The following CPQ variants were observed in gnomAD, a reference collection of about 807,000 sequenced individuals.
The protein encoded by CPQ is Ser-Met dipeptidase.
CPQ carries 37 observed loss-of-function variants against 45.7 expected under a neutral mutation model. That is an observed-to-expected ratio of 0.81 (90% confidence interval 0.62 to 1.07). The LOEUF (loss-of-function observed/expected upper bound fraction) is 1.07, where lower values mean the gene tolerates loss of function less well. Among genes scored for constraint, CPQ ranks in the 50% least tolerant of loss-of-function variants. The probability of loss-of-function intolerance (pLI) is 0.00; values close to 1 mark genes in which losing one functional copy is unlikely to be tolerated. For missense variants in CPQ, 537 were observed against 572.9 expected (o/e 0.94, Z 0.64); for synonymous variants, 186 against 205.8 (o/e 0.90, Z 0.82).
chr8:97,143,001 C>T lies in CPQ; in HGVS notation c.1256-19C>T. 1 of 1,612,112 alleles carries T rather than the reference C, an allele frequency of 6.2e-7. No homozygotes were observed. The highest frequency in any genetic ancestry group is 8.5e-7 in the Non-Finnish European group (1 of 1,178,818). On this transcript the variant is annotated intron_variant, in intron 7 of 7. Coordinates refer to ENST00000220763, the MANE Select transcript of CPQ (RefSeq NM_016134.4). ...CTGTCAAAATACTCCACTAAGAATT[C>T]TTCCTCTTTTATCCCCAGGAGCCAG...
intron 4 of CPQ, among the ~76,000 whole-genome samples, chr8:96,919,609 A>T (rs933936632): frequency 6.6e-6 from 1 of 152,212 alleles, no homozygotes; most frequent in African/African-American, 2.4e-5. Context: ...AACTGGTTTT[A>T]TGTCCCACAA....
Position 96,879,782 on chromosome 8 carries a change from G to C in CPQ, c.642-16G>C. ...ATTTCCACTTTCAAGGTAACCTGGT[G>C]GCTTCTTCTCTCAAGTCCTCACACA... On this transcript the variant is annotated splice_polypyrimidine_tract_variant and intron_variant, in intron 3 of 7. Coordinates refer to ENST00000220763, the MANE Select transcript of CPQ (RefSeq NM_016134.4). 1 of 1,607,868 alleles carries C rather than the reference G, an allele frequency of 6.2e-7. No homozygotes were observed.
At chr8:96,977,386 T>TG (rs1586476873) in intron 5 of CPQ, among the ~76,000 whole-genome samples, 2 of 151,054 alleles carry the variant, frequency 1.3e-5, no homozygotes, top group East Asian at 3.9e-4. Flanking sequence ...TTTACACTGA[T>TG]GGTGGGAATG....
chr8:96,940,500 G>A (rs1437220488), intron 4 of CPQ, among the ~76,000 whole-genome samples: 2 of 151,940 alleles, frequency 1.3e-5, no homozygotes, highest in East Asian at 3.9e-4. Flanking sequence ...CTTCTTTTAT[G>A]TATTCATTCA....
intron 1 of CPQ, among the ~76,000 whole-genome samples, chr8:96,669,234 G>A (rs527676456): frequency 1.3e-5 from 2 of 152,172 alleles, no homozygotes; most frequent in East Asian, 3.9e-4. Flanking sequence ...CCTCTCCCTT[G>A]CCCTGCTGGC....
chr8:97,125,827 A>C (rs1811837476), intron 7 of CPQ, among the ~76,000 whole-genome samples: 1 of 152,226 alleles, frequency 6.6e-6, no homozygotes, highest in Admixed American at 6.5e-5. Context: ...TCCCGTTCTC[A>C]CCACTTCTAT....
intron 2 of CPQ, among the ~76,000 whole-genome samples, chr8:96,828,715 A>G (rs552751372): frequency 6.6e-6 from 1 of 152,222 alleles, no homozygotes; most frequent in South Asian, 2.1e-4. Context: ...CACCTTTACA[A>G]GGAAACACCC....
At chr8:96,770,702 A>T (rs1050388404) in intron 1 of CPQ, among the ~76,000 whole-genome samples, 1 of 147,506 alleles carries the variant, frequency 6.8e-6, no homozygotes, top group Non-Finnish European at 1.5e-5. Context: ...GTGTTATTTT[A>T]TATATATATA....
At chr8:96,783,789 CTTTAG>C (rs1344988142) in intron 1 of CPQ, among the ~76,000 whole-genome samples, 1 of 152,126 alleles carries the variant, frequency 6.6e-6, no homozygotes, top group African/African-American at 2.4e-5. Flanking sequence ...GAAAATAAAT[CTTTAG>C]TTTAATTTAA....
intron 5 of CPQ, among the ~76,000 whole-genome samples, chr8:96,992,571 G>A (rs1370596001): frequency 6.6e-6 from 1 of 152,106 alleles, no homozygotes; most frequent in African/African-American, 2.4e-5. Flanking sequence ...ACACAGATAA[G>A]GTGTCTCTCC....
intron 1 of CPQ, among the ~76,000 whole-genome samples, chr8:96,737,368 A>ATATATATATATATATT (rs1376022683): frequency 1.4e-5 from 2 of 146,386 alleles, no homozygotes; most frequent in African/African-American, 2.5e-5. Flanking sequence ...ATATATATAT[A>ATATATATATATATATT]TGAGTTTATT....
At chr8:97,005,024 T>G (rs1459607754) in intron 5 of CPQ, among the ~76,000 whole-genome samples, 3 of 152,100 alleles carry the variant, frequency 2.0e-5, no homozygotes, top group African/African-American at 7.2e-5. Flanking sequence ...AGAAAAGGCC[T>G]CTATAAATGT....
chr8:96,978,637 T>C (rs1659570399), intron 5 of CPQ, among the ~76,000 whole-genome samples: 1 of 152,180 alleles, frequency 6.6e-6, no homozygotes, highest in African/African-American at 2.4e-5. Context: ...TCCTCCCCGA[T>C]GTATGCTTTG....
chr8:96,731,210 G>T (rs1529550), intron 1 of CPQ, among the ~76,000 whole-genome samples: 92,684 of 151,726 alleles, frequency 0.61, 28,963 homozygotes, highest in East Asian at 0.86. Context: ...TATGACTTTG[G>T]ACAACTATAA....
rs147625567 is a variant in CPQ at position 96,781,174 on chromosome 8, G to C, written c.-34-3690G>C. ...AGGTGAAAGTAAAAAGACATACAAA[G>C]AGAAGCACCATTTTTTAATCATTAA... On this transcript the variant is annotated intron_variant, in intron 1 of 7. Coordinates refer to ENST00000220763, the MANE Select transcript of CPQ (RefSeq NM_016134.4). 4.0e-3 allele frequency among the ~76,000 whole-genome samples: 606 copies of C among 152,282 alleles called. 3 individuals are homozygous for C. The highest frequency in any genetic ancestry group is 0.014 in the African/African-American group (577 of 41,574).
chr8:96,836,451 T>C (rs1586420413), intron 3 of CPQ, among the ~76,000 whole-genome samples: 2 of 152,312 alleles, frequency 1.3e-5, no homozygotes, highest in South Asian at 2.1e-4. Context: ...ATTGATGTCA[T>C]AGTGCTAAAA....
intron 1 of CPQ, among the ~76,000 whole-genome samples, chr8:96,712,066 C>G (rs1195265407): frequency 6.6e-6 from 1 of 152,092 alleles, no homozygotes; most frequent in Non-Finnish European, 1.5e-5. Context: ...GATACAACCC[C>G]TTTCAAGTCT....
At chr8:96,780,704 T>C (rs1004165830) in intron 1 of CPQ, among the ~76,000 whole-genome samples, 3 of 151,672 alleles carry the variant, frequency 2.0e-5, no homozygotes, top group Non-Finnish European at 4.4e-5. Context: ...TCTTTCTTTT[T>C]CTTTACTTTT....
intron 3 of CPQ, among the ~76,000 whole-genome samples, chr8:96,855,452 A>C (rs1026760947): frequency 2.0e-5 from 3 of 152,220 alleles, no homozygotes; most frequent in African/African-American, 7.2e-5. Flanking sequence ...CCTGGTTTTT[A>C]GAAATAGGGG....
Sources: allele counts gnomAD v4.1 joint callset (sites outside exome capture counted in the v4.1 genomes callset), GRCh38; gene constraint gnomAD v4.1.1; transcripts MANE v1.5; gene names NCBI Gene and HGNC (gene_info 2026-07-23, HGNC 2026-07-21).